KYNU: variants seen among roughly 807,000 people sequenced by gnomAD.
KYNU encodes the protein kynureninase, also known as L-kynurenine hydrolase.
Under a neutral mutation model 59.2 loss-of-function variants are expected in KYNU, and 54 were observed. The observed-to-expected ratio is 0.91, with a 90% CI of 0.73 to 1.14. KYNU has a LOEUF of 1.14. Ranked by LOEUF, KYNU falls within the 50% of genes most tolerant of loss-of-function variation. The pLI, the probability that KYNU is intolerant of heterozygous loss-of-function variation, is 0.00. For synonymous variants in KYNU, 177 were observed against 192.0 expected (o/e 0.92, Z 0.65); for missense variants, 567 against 554.4 (o/e 1.02, Z -0.23).
intron 12 of KYNU, among the ~76,000 whole-genome samples, chr2:143,039,867 A>T (rs1380926900): frequency 6.6e-6 from 1 of 152,080 alleles, no homozygotes; most frequent in Non-Finnish European, 1.5e-5. Context: ...AAGTTTGAGG[A>T]GTTCCTTTAG....
chr2:142,891,319 T>C lies in KYNU; in HGVS notation c.169+5783T>C, dbSNP rs187844133. The stretch of plus-strand genomic sequence containing the variant: ...GCAAACAGTAATCTACTGAACTTGC[T>C]GTTATTTTGATCTATATAGAAGATT... On this transcript the variant is annotated intron_variant, in intron 2 of 13. Coordinates refer to ENST00000264170, the MANE Select transcript of KYNU (RefSeq NM_003937.3). Among the ~76,000 whole-genome samples, 440 of 152,314 alleles carry C rather than the reference T, an allele frequency of 2.9e-3. 3 individuals carry two copies. Among genetic ancestry groups the C allele is most frequent in the Admixed American group, 0.012 (178 of 15,304 alleles).
chr2:142,992,387 T>C (rs1685420961), intron 10 of KYNU, among the ~76,000 whole-genome samples: 2 of 151,746 alleles, frequency 1.3e-5, no homozygotes, highest in African/African-American at 4.8e-5. Flanking sequence ...TCAAGAAATA[T>C]ACCAAAAAAT....
At chr2:143,012,892 TG>T (rs1686151188) in intron 10 of KYNU, among the ~76,000 whole-genome samples, 1 of 152,242 alleles carries the variant, frequency 6.6e-6, no homozygotes, top group Non-Finnish European at 1.5e-5. Flanking sequence ...ACCACTCTTT[TG>T]TTCTCTATCT....
chr2:142,924,991 G>A lies in KYNU; in HGVS notation c.291-2668G>A, dbSNP rs184627657. Among the ~76,000 whole-genome samples the A allele has an allele frequency of 5.9e-5, 9 of 152,250 alleles. No individual in the cohort carries two copies. The East Asian group carries it at 1.7e-3, about 29-fold the overall frequency. ...TTTTAAAGGGAGGGAGATGCCAAAA[G>A]CATTGCAGGAAGAAACACATCCTTA... On this transcript the variant is annotated intron_variant, in intron 3 of 13. Transcript: ENST00000264170.
At chr2:142,891,458 T>G (rs1275949884) in intron 2 of KYNU, among the ~76,000 whole-genome samples, 2 of 152,152 alleles carry the variant, frequency 1.3e-5, no homozygotes, top group African/African-American at 4.8e-5. Flanking sequence ...TTACCACACA[T>G]CCAGGAGAGA....
intron 10 of KYNU, among the ~76,000 whole-genome samples, chr2:143,020,479 T>C (rs1010550633): frequency 2.0e-4 from 30 of 152,154 alleles, no homozygotes; most frequent in African/African-American, 7.0e-4. Flanking sequence ...TATTCCCTTA[T>C]GATCAGAAAA....
At chr2:142,889,617 T>C (rs1274562003) in intron 2 of KYNU, among the ~76,000 whole-genome samples, 1 of 152,208 alleles carries the variant, frequency 6.6e-6, no homozygotes, top group African/African-American at 2.4e-5. Context: ...TATTTTAGAA[T>C]ACTATGTTCT....
intron 2 of KYNU, among the ~76,000 whole-genome samples, chr2:142,911,352 C>A (rs1161891700): frequency 1.3e-5 from 2 of 152,056 alleles, no homozygotes; most frequent in East Asian, 1.9e-4. Flanking sequence ...ATTGATTTGG[C>A]TCTCAGCTTA....
intron 10 of KYNU, among the ~76,000 whole-genome samples, chr2:142,999,644 T>A (rs1467882175): frequency 1.3e-5 from 2 of 152,276 alleles, no homozygotes; most frequent in South Asian, 4.1e-4. Context: ...AAATTAGTAA[T>A]GTTTTTCAAA....
intron 8 of KYNU, among the ~76,000 whole-genome samples, chr2:142,981,236 A>G (rs1056025203): frequency 9.2e-5 from 14 of 152,128 alleles, no homozygotes; most frequent in African/African-American, 2.9e-4. Context: ...GCCATTCTTT[A>G]TAAGTAATTG....
At chr2:142,881,649 G>C (rs1387052358) in intron 1 of KYNU, among the ~76,000 whole-genome samples, 1 of 152,122 alleles carries the variant, frequency 6.6e-6, no homozygotes, top group Non-Finnish European at 1.5e-5. Flanking sequence ...CATATCTTGT[G>C]ATCCAATATT....
chr2:142,999,433 C>A (rs889667590), intron 10 of KYNU, among the ~76,000 whole-genome samples: 2 of 151,986 alleles, frequency 1.3e-5, no homozygotes, highest in African/African-American at 4.8e-5. Context: ...ATTAAAACAA[C>A]TAAAAGAACC....
intron 4 of KYNU, among the ~76,000 whole-genome samples, chr2:142,942,509 T>C (rs573463242): frequency 6.6e-6 from 1 of 152,268 alleles, no homozygotes; most frequent in East Asian, 1.9e-4. Flanking sequence ...CAGTAAAGAG[T>C]AGCAAAGGCC....
intron 12 of KYNU, among the ~76,000 whole-genome samples, chr2:143,033,704 A>G (rs992155520): frequency 1.3e-5 from 2 of 152,250 alleles, no homozygotes; most frequent in South Asian, 2.1e-4. Flanking sequence ...CTCATTCAAC[A>G]TAAATTTATT....
rs1342820931 is a variant in KYNU, at chr2:143,051,841, A to C, written c.*9669A>C. 6.6e-6 allele frequency: 1 copy of C among 152,282 alleles called. No individual in the cohort carries two copies. Among genetic ancestry groups the C allele is most frequent in the African/African-American group, 2.4e-5 (1 of 41,436 alleles). The allele number at this position is 152,282 out of a possible 1,614,324, so 9.4% of individuals were successfully genotyped here. On this transcript the variant is annotated 3_prime_UTR_variant, in exon 14 of 14. Transcript: ENST00000264170. ...ATATAGTAAGTTGGCACCAGTAGAG[A>C]GGGGCACTGCTGAAAAGGTACCCGA...
chr2:142,878,077 G>T (rs2105012991), intron 1 of KYNU, among the ~76,000 whole-genome samples: 1 of 152,174 alleles, frequency 6.6e-6, no homozygotes, highest in South Asian at 2.1e-4. Context: ...CCAGACGAGG[G>T]AAAGATATTC....
At chr2:142,880,649 G>T (rs775700450) in intron 1 of KYNU, among the ~76,000 whole-genome samples, 9 of 152,176 alleles carry the variant, frequency 5.9e-5, no homozygotes, top group African/African-American at 9.7e-5. Context: ...ATTCCTGAAA[G>T]AATTTGATTA....
At chr2:142,979,006 A>G (rs958256108) in intron 8 of KYNU, among the ~76,000 whole-genome samples, 1 of 152,174 alleles carries the variant, frequency 6.6e-6, no homozygotes, top group African/African-American at 2.4e-5. Context: ...TTTCATTTCA[A>G]TAGGCAATTA....
intron 10 of KYNU, among the ~76,000 whole-genome samples, chr2:142,991,387 A>G (rs1685394489): frequency 6.6e-6 from 1 of 151,944 alleles, no homozygotes; most frequent in Non-Finnish European, 1.5e-5. Context: ...GTGTGACTTC[A>G]CAACACTTCT....
Sources: allele counts gnomAD v4.1 joint callset (sites outside exome capture counted in the v4.1 genomes callset), GRCh38; gene constraint gnomAD v4.1.1; transcripts MANE v1.5; gene names NCBI Gene and HGNC (gene_info 2026-07-23, HGNC 2026-07-21).